The following SPICE1 variants were observed in gnomAD, a reference collection of about 807,000 sequenced individuals.
SPICE1 encodes the protein spindle and centriole-associated protein 1.
In SPICE1, 75 loss-of-function variants were observed where a neutral mutation model predicts 102.7. The ratio of observed to expected loss-of-function variants is 0.73; its 90% CI spans 0.61 to 0.88. The LOEUF (loss-of-function observed/expected upper bound fraction) is 0.88. SPICE1 is among the 40% of genes least tolerant of loss of function. The probability of loss-of-function intolerance (pLI) is 0.00; values close to 1 mark genes in which losing one functional copy is unlikely to be tolerated. For missense variants in SPICE1, 979 were observed against 1,020.1 expected (o/e 0.96, Z 0.55); for synonymous variants, 308 against 350.3 (o/e 0.88, Z 1.35).
intron 6 of SPICE1, among the ~76,000 whole-genome samples, chr3:113,491,695 C>CTCTGCTTA (rs1936773724): frequency 6.6e-6 from 1 of 150,634 alleles, no homozygotes; most frequent in South Asian, 2.1e-4. Flanking sequence ...TATAGTGGTC[C>CTCTGCTTA]TCTGCTTATC....
At chr3:113,480,166 G>A (rs993686754) in intron 7 of SPICE1, among the ~76,000 whole-genome samples, 7 of 151,758 alleles carry the variant, frequency 4.6e-5, no homozygotes, top group African/African-American at 1.7e-4. Context: ...ATAAAAATTG[G>A]CTTGAGAAGA....
intron 12 of SPICE1, among the ~76,000 whole-genome samples, chr3:113,459,225 C>A (rs1284200595): frequency 6.6e-6 from 1 of 152,152 alleles, no homozygotes; most frequent in African/African-American, 2.4e-5. Flanking sequence ...GCAGCATACT[C>A]GTTAAGAGTC....
chr3:113,491,712 G>A (rs182594787), intron 6 of SPICE1, among the ~76,000 whole-genome samples: 22 of 150,912 alleles, frequency 1.5e-4, no homozygotes, highest in Admixed American at 9.2e-4. Flanking sequence ...TATCTATTCA[G>A]GTATCCTCTC....
At chr3:113,452,092 T>A (rs1460642865) in intron 14 of SPICE1, among the ~76,000 whole-genome samples, 1 of 152,170 alleles carries the variant, frequency 6.6e-6, no homozygotes, top group Non-Finnish European at 1.5e-5. Context: ...GGAGCTCTTT[T>A]ATAAACCCTC....
At chr3:113,472,337 G>A (rs1243908859) in intron 7 of SPICE1, among the ~76,000 whole-genome samples, 2 of 152,246 alleles carry the variant, frequency 1.3e-5, no homozygotes. Context: ...GCCTCTGTAG[G>A]CTCCACCTCT....
At chr3:113,507,880 T>G (rs1396589773) in intron 1 of SPICE1, among the ~76,000 whole-genome samples, 1 of 152,150 alleles carries the variant, frequency 6.6e-6, no homozygotes, top group East Asian at 1.9e-4. Flanking sequence ...GAGACAAAAG[T>G]TAACCAACCA....
intron 11 of SPICE1, among the ~76,000 whole-genome samples, chr3:113,463,970 G>C (rs1163410900): frequency 6.6e-6 from 1 of 152,020 alleles, no homozygotes; most frequent in African/African-American, 2.4e-5. Context: ...CAGGAGGCTA[G>C]GACAGGAGAA....
intron 6 of SPICE1, 53 bp downstream of exon 6, chr3:113,493,153 A>G: frequency 2.3e-6 from 3 of 1,300,942 alleles, no homozygotes; most frequent in Non-Finnish European, 3.2e-6. Context: ...GGCCTATATC[A>G]ACTTAAACTT....
At chr3:113,474,379 T>C (rs994023091) in intron 7 of SPICE1, among the ~76,000 whole-genome samples, 4 of 152,078 alleles carry the variant, frequency 2.6e-5, no homozygotes, top group Non-Finnish European at 5.9e-5. Flanking sequence ...GACAGATCAA[T>C]GAGATAGAAA....
At position 113,450,611 on chromosome 3, in the gene SPICE1, C is replaced by T. The variant is rs1465135794; in HGVS notation, c.2143-95G>A. 6 of 1,294,768 alleles carry T rather than the reference C, an allele frequency of 4.6e-6. No individual in the cohort carries two copies. In the African/African-American group the frequency reaches 9.1e-5, roughly 20 times the overall value. The allele number at this position is 1,294,768 out of a possible 1,614,324, so 80.2% of individuals were successfully genotyped here. A position where few individuals can be genotyped will look rare whatever the true frequency, so the allele number is the denominator to read the frequency against. On this transcript the variant is annotated intron_variant, in intron 14 of 17. Coordinates refer to ENST00000295872, the MANE Select transcript of SPICE1 (RefSeq NM_144718.4). ...TTTTTTTTTTAGGCAGAGTCTCACT[C>T]TGTTGCCCAGGCTGGAGTGCAGTGG... is the stretch of plus-strand genomic sequence containing the variant.
In SPICE1 at chr3:113,468,420, G is replaced by A. The variant is rs1559962986; in HGVS notation, c.890-16C>T. 6.2e-7 allele frequency: 1 copy of A among 1,606,660 alleles called. No homozygotes were observed. Among genetic ancestry groups the A allele is most frequent in the Non-Finnish European group, 8.5e-7 (1 of 1,174,838 alleles). On this transcript the variant is annotated splice_polypyrimidine_tract_variant and intron_variant, in intron 9 of 17. Coordinates refer to ENST00000295872, the MANE Select transcript of SPICE1 (RefSeq NM_144718.4). ...TTCCTTTTCACTGATAATGAGAGAA[G>A]TCATTCTATTTTAAGACCAGGAAAA...
chr3:113,499,365 T>C, intron 4 of SPICE1, 74 bp downstream of exon 4: 1 of 1,485,406 alleles, frequency 6.7e-7, no homozygotes, highest in Middle Eastern at 2.3e-4. Flanking sequence ...CCAACGTGAA[T>C]CAAATTGAAG....
intron 15 of SPICE1, chr3:113,449,116 A>C (rs1376611851): frequency 5.3e-5 from 8 of 152,228 alleles, no homozygotes; most frequent in Admixed American, 4.6e-4. Context: ...GCATATTTTA[A>C]CCATACACAA....
Position 113,499,452 on chromosome 3 carries a change from G to A in SPICE1, c.278C>T (p.Ser93Phe). 18 of 1,612,536 alleles carry A rather than the reference G, an allele frequency of 1.1e-5. No homozygotes were observed. The highest frequency in any genetic ancestry group is 1.5e-5 in the Non-Finnish European group (18 of 1,179,588). The change falls in exon 4 of 18, where the codon TCT becomes TTT. Residue 93 changes from serine (S) to phenylalanine (F), a missense_variant. By Grantham distance (155) the Ser-to-Phe change is radical. Transcript: ENST00000295872. ...ETLNLEKRRL[S>F]IMKEILSDQY... The stretch of plus-strand genomic sequence containing the variant: ...GTTTAGCATTACCTCCTTCATGATA[G>A]ACAATCTTCTTTTCTCAAGATTTAA...
chr3:113,497,504 T>C (rs1936917348), intron 4 of SPICE1, among the ~76,000 whole-genome samples: 1 of 152,082 alleles, frequency 6.6e-6, no homozygotes, highest in South Asian at 2.1e-4. Context: ...CAAGATATGC[T>C]GGTAGAGAGA....
intron 11 of SPICE1, 85 bp from the exon 12 acceptor site, chr3:113,460,849 G>T: frequency 1.1e-5 from 14 of 1,255,530 alleles, no homozygotes; most frequent in Non-Finnish European, 1.5e-5. Context: ...CAAAGGATAC[G>T]TGTGTTTAAT....
chr3:113,469,539 AT>A (rs1226156569), intron 7 of SPICE1, among the ~76,000 whole-genome samples: 1 of 147,436 alleles, frequency 6.8e-6, no homozygotes, highest in Non-Finnish European at 1.5e-5. Context: ...ATTAAATTAT[AT>A]TTATATCTAA....
chr3:113,447,942 G>T, intron 16 of SPICE1, 96 bp downstream of exon 16: 1 of 1,131,242 alleles, frequency 8.8e-7, no homozygotes, highest in South Asian at 1.9e-5. Flanking sequence ...ACCTAAGTCA[G>T]ATACTGTACA....
intron 12 of SPICE1, among the ~76,000 whole-genome samples, chr3:113,458,593 C>T (rs1254243565): frequency 1.3e-5 from 2 of 152,218 alleles, no homozygotes; most frequent in Non-Finnish European, 2.9e-5. Context: ...CTGCCTTGGC[C>T]TCCCAAAGTG....
Sources: allele counts gnomAD v4.1 joint callset (sites outside exome capture counted in the v4.1 genomes callset), GRCh38; gene constraint gnomAD v4.1.1; transcripts MANE v1.5; gene names NCBI Gene and HGNC (gene_info 2026-07-23, HGNC 2026-07-21).